GRM7: variants seen among roughly 807,000 people sequenced by gnomAD.
GRM7 encodes metabotropic glutamate receptor 7.
Under a neutral mutation model 84.5 loss-of-function variants are expected in GRM7, and 35 were observed. The observed-to-expected ratio is 0.41, with a 90% confidence interval of 0.32 to 0.55. The LOEUF is 0.55. GRM7 is among the 20% of genes least tolerant of loss of function. The pLI, the probability that GRM7 is intolerant of heterozygous loss-of-function variation, is 0.19. For synonymous variants in GRM7, 487 were observed against 455.1 expected (o/e 1.07, Z -0.89); for missense variants, 1,003 against 1,194.6 (o/e 0.84, Z 2.36).
rs1352011133 is a variant in GRM7, at chr3:6,861,266, C to T, written c.-123C>T. 5.0e-6 allele frequency: 4 copies of T among 796,676 alleles called. No individual in the cohort carries two copies. Among genetic ancestry groups the T allele is most frequent in the South Asian group, 6.0e-5 (2 of 33,440 alleles). 49.4% of individuals were successfully genotyped at this position (796,676 alleles called of 1,614,324 possible). ...GTCGCCCCTCCCCGGATTCCCCCAC[C>T]CTCCGTGCCTGCAGGAGCCCCTGGG... On this transcript the variant is annotated 5_prime_UTR_variant, in exon 1 of 10. Coordinates refer to ENST00000357716, the MANE Select transcript of GRM7 (RefSeq NM_000844.4). This position sits in a 1 kb window ranked among gnomAD's most constrained non-coding sequence, Gnocchi z 6.4.
chr3:7,602,079 A>C (rs79136871), intron 8 of GRM7, among the ~76,000 whole-genome samples: 1,656 of 87,030 alleles, frequency 0.019, 31 homozygotes, highest in East Asian at 0.054. Context: ...TATTACCAGG[A>C]CAAAAAAAAA....
At chr3:7,019,339 G>T (rs1462430814) in intron 1 of GRM7, among the ~76,000 whole-genome samples, 3 of 152,046 alleles carry the variant, frequency 2.0e-5, no homozygotes, top group Non-Finnish European at 4.4e-5. Context: ...TTCACTCTTG[G>T]TGTCATACAT....
intron 5 of GRM7, among the ~76,000 whole-genome samples, chr3:7,452,176 G>C (rs537807617): frequency 1.3e-5 from 2 of 152,220 alleles, no homozygotes; most frequent in South Asian, 4.1e-4. Flanking sequence ...ACTAACAATC[G>C]AGACAGGCAA....
chr3:7,322,774 T>TA (rs1700835851), intron 4 of GRM7, among the ~76,000 whole-genome samples: 1 of 152,074 alleles, frequency 6.6e-6, no homozygotes, highest in African/African-American at 2.4e-5. Flanking sequence ...CACCTACCAC[T>TA]ACTTTCTTTA....
chr3:7,208,237 A>G (rs780708419), intron 2 of GRM7, among the ~76,000 whole-genome samples: 1 of 152,192 alleles, frequency 6.6e-6, no homozygotes, highest in Non-Finnish European at 1.5e-5. Flanking sequence ...AGTGGCAATA[A>G]TACTAAAAGA....
At chr3:7,235,156 TA>T (rs1697309777) in intron 2 of GRM7, among the ~76,000 whole-genome samples, 1 of 152,226 alleles carries the variant, frequency 6.6e-6, no homozygotes, top group Non-Finnish European at 1.5e-5. Flanking sequence ...TACTAGTTAC[TA>T]CCATCAACTA....
At chr3:6,972,236 C>G (rs956782396) in intron 1 of GRM7, among the ~76,000 whole-genome samples, 2 of 152,064 alleles carry the variant, frequency 1.3e-5, no homozygotes, top group African/African-American at 4.8e-5. Context: ...AAATGCAGGG[C>G]AGGAAGGCAC....
intron 2 of GRM7, among the ~76,000 whole-genome samples, chr3:7,250,606 C>T (rs1012642900): frequency 1.8e-4 from 28 of 152,072 alleles, no homozygotes; most frequent in Non-Finnish European, 2.5e-4. Context: ...TCACTGTAAC[C>T]GCCACCTCCT....
intron 1 of GRM7, among the ~76,000 whole-genome samples, chr3:6,957,478 G>C (rs1419071502): frequency 1.3e-5 from 2 of 152,210 alleles, no homozygotes; most frequent in Non-Finnish European, 2.9e-5. Context: ...AAAAATGTAA[G>C]CCTTGTTTTG....
intron 1 of GRM7, among the ~76,000 whole-genome samples, chr3:7,020,041 G>A (rs1043470313): frequency 6.6e-6 from 1 of 152,080 alleles, no homozygotes; most frequent in Non-Finnish European, 1.5e-5. Flanking sequence ...TTAGAGACGG[G>A]TTTCACCATA....
chr3:7,405,554 T>G (rs908470248), intron 4 of GRM7, among the ~76,000 whole-genome samples: 1 of 152,148 alleles, frequency 6.6e-6, no homozygotes, highest in Non-Finnish European at 1.5e-5. Context: ...TTACTATACC[T>G]ACTTCGGATA....
At chr3:7,408,345 A>C (rs1413405648) in intron 4 of GRM7, among the ~76,000 whole-genome samples, 2 of 152,214 alleles carry the variant, frequency 1.3e-5, no homozygotes, top group Non-Finnish European at 2.9e-5. Flanking sequence ...AACATTGCAG[A>C]CATTATTTCC....
At chr3:7,357,585 A>G (rs1343569164) in intron 4 of GRM7, among the ~76,000 whole-genome samples, 1 of 152,122 alleles carries the variant, frequency 6.6e-6, no homozygotes, top group Non-Finnish European at 1.5e-5. Context: ...ATTTTAAAAC[A>G]AAATCAGAAT....
At position 7,179,983 on chromosome 3, in the gene GRM7, G is replaced by A. The variant is rs373226435; in HGVS notation, c.736+33315G>A. On this transcript the variant is annotated intron_variant, in intron 2 of 9. Coordinates refer to ENST00000357716, the MANE Select transcript of GRM7 (RefSeq NM_000844.4). ...CCTTAAGAAGTCCAGAGTTAGAAAC[G>A]CTTTAAACTGGTTAACAGGGAATTT... is the stretch of plus-strand genomic sequence containing the variant. Among the ~76,000 whole-genome samples, 14 of 152,178 alleles carry A rather than the reference G, an allele frequency of 9.2e-5. No individual in the cohort carries two copies. The South Asian group carries it at 1.7e-3, about 18-fold the overall frequency.
At chr3:7,592,358 T>C (rs886916000) in intron 8 of GRM7, among the ~76,000 whole-genome samples, 11 of 152,096 alleles carry the variant, frequency 7.2e-5, no homozygotes, top group African/African-American at 2.7e-4. Context: ...AGACAACCTT[T>C]GAACAAAGAC....
intron 8 of GRM7, among the ~76,000 whole-genome samples, chr3:7,588,541 A>G (rs1261526553): frequency 6.6e-6 from 1 of 152,182 alleles, no homozygotes; most frequent in Non-Finnish European, 1.5e-5. Flanking sequence ...CCAACTCAAC[A>G]AAAGCCACAT....
intron 8 of GRM7, among the ~76,000 whole-genome samples, chr3:7,612,550 G>A (rs1249756550): frequency 6.6e-6 from 1 of 152,148 alleles, no homozygotes; most frequent in Non-Finnish European, 1.5e-5. Context: ...GAGGACATGG[G>A]ATATATTTTA....
At chr3:6,907,371 G>T (rs768305386) in intron 1 of GRM7, among the ~76,000 whole-genome samples, 1 of 152,280 alleles carries the variant, frequency 6.6e-6, no homozygotes, top group Middle Eastern at 3.4e-3. Flanking sequence ...AAAAAGTACC[G>T]TGGAGACGTG....
intron 2 of GRM7, among the ~76,000 whole-genome samples, chr3:7,290,101 A>C (rs1699570352): frequency 6.6e-6 from 1 of 152,192 alleles, no homozygotes; most frequent in African/African-American, 2.4e-5. Context: ...AACTAAAAGA[A>C]TGCCTGAAAT....
Sources: gnomAD v4.1 joint callset for allele counts (sites outside exome capture counted in the v4.1 genomes callset) on GRCh38, gnomAD v4.1.1 for gene constraint, Gnocchi (gnomAD v3.1) non-coding constraint, MANE v1.5 for transcripts, NCBI Gene and HGNC (gene_info 2026-07-23, HGNC 2026-07-21) for gene names.